Variants in SYN3 observed in about 807,000 individuals in gnomAD.
SYN3 encodes the protein synapsin-3.
SYN3 carries 35 observed loss-of-function variants against 65.8 expected under a neutral mutation model. That is an observed-to-expected ratio of 0.53 (90% CI 0.41 to 0.70). SYN3 has a LOEUF of 0.70. Ranked by LOEUF, SYN3 falls within the 30% of genes least tolerant of loss-of-function variation. The pLI is 0.00. For synonymous variants in SYN3, 270 were observed against 292.9 expected, an observed-to-expected ratio of 0.92 and a Z score of 0.80; for missense variants, 680 against 749.0, an observed-to-expected ratio of 0.91 and a Z score of 1.08.
chr22:32,798,846 C>T (rs570283560), intron 6 of SYN3, among the ~76,000 whole-genome samples: 44 of 151,984 alleles, frequency 2.9e-4, no homozygotes, highest in Non-Finnish European at 5.0e-4. Context: ...CGCCCACCAC[C>T]ACACCTGGCT....
intron 2 of SYN3, among the ~76,000 whole-genome samples, chr22:32,986,992 G>A (rs2052547409): frequency 6.6e-6 from 1 of 152,158 alleles, no homozygotes; most frequent in Non-Finnish European, 1.5e-5. Context: ...TGGGTATGGG[G>A]CTCTTTTGTG....
At chr22:32,669,589 G>C (rs986434697) in intron 6 of SYN3, among the ~76,000 whole-genome samples, 18 of 152,220 alleles carry the variant, frequency 1.2e-4, no homozygotes, top group Admixed American at 9.8e-4. Context: ...AGAAGAGAGC[G>C]TAACAGTGAC....
intron 1 of SYN3, among the ~76,000 whole-genome samples, chr22:33,040,490 CACTG>C (rs1309606979): frequency 6.6e-6 from 1 of 152,218 alleles, no homozygotes; most frequent in Non-Finnish European, 1.5e-5. Flanking sequence ...ACTTCCATAT[CACTG>C]ACTGTCACAT....
At chr22:32,698,450 G>A (rs902932201) in intron 6 of SYN3, among the ~76,000 whole-genome samples, 7 of 152,168 alleles carry the variant, frequency 4.6e-5, no homozygotes, top group African/African-American at 7.2e-5. Context: ...ATCTCTTACC[G>A]TTTCTTTCAC....
chr22:32,849,562 G>T, intron 6 of SYN3: 1 of 1,604,908 alleles, frequency 6.2e-7, no homozygotes, highest in South Asian at 1.1e-5. Context: ...CCTGGCTCCG[G>T]GAAGGTTTTT....
chr22:32,569,533 ATCAATC>A (rs1449739704), intron 7 of SYN3, among the ~76,000 whole-genome samples: 23 of 93,902 alleles, frequency 2.4e-4, no homozygotes, highest in Admixed American at 9.6e-4. Context: ...TCTAAAATCA[ATCAATC>A]TCTCTCTCTC....
At position 32,859,728 on chromosome 22, in the gene SYN3, C is replaced by T. The variant is rs2048483330; in HGVS notation, c.711+5187G>A. 4 of 288,740 alleles carry T rather than the reference C, an allele frequency of 1.4e-5. 1 individual carries two copies. The highest frequency in any genetic ancestry group is 1.3e-4 in the South Asian group (3 of 23,866). The allele number at this position is 288,740 out of a possible 1,614,324, so 17.9% of individuals were successfully genotyped here. On this transcript the variant is annotated intron_variant, in intron 6 of 13. Coordinates refer to ENST00000358763, the MANE Select transcript of SYN3 (RefSeq NM_003490.4). ...CTACTCCATTTGAGGATTGTAATTC[C>T]CACCCCTCTTGCTTCTTCCCCACCT...
chr22:32,708,356 C>A lies in SYN3; in HGVS notation c.712-111620G>T, dbSNP rs553553733. On this transcript the variant is annotated intron_variant, in intron 6 of 13. Coordinates refer to ENST00000358763, the MANE Select transcript of SYN3 (RefSeq NM_003490.4). ...AGACAATGCAGCCCCTTCTTGCCTG[C>A]ACTCCAGGCGGCCCATTCCCACCAC... Among the ~76,000 whole-genome samples the A allele has an allele frequency of 2.0e-5, 3 of 152,338 alleles. 1 individual carries two copies. In the South Asian group the frequency reaches 6.2e-4, roughly 32 times the overall value.
rs548518756 is a variant in SYN3 at position 32,636,350 on chromosome 22, C to T, written c.712-39614G>A. Among the ~76,000 whole-genome samples the T allele has an allele frequency of 2.7e-5, 4 of 148,704 alleles. No homozygotes were observed. In the South Asian group the frequency reaches 6.4e-4, roughly 24 times the overall value. On this transcript the variant is annotated intron_variant, in intron 6 of 13. Coordinates refer to ENST00000358763, the MANE Select transcript of SYN3 (RefSeq NM_003490.4). ...CCGGGAGGCGGAGCTTGCAGTGAGC[C>T]GAGATTGTGCCACTGCACTCCAGCC...
At chr22:32,564,022 C>T (rs1743861731) in intron 7 of SYN3, among the ~76,000 whole-genome samples, 1 of 152,092 alleles carries the variant, frequency 6.6e-6, no homozygotes, top group Non-Finnish European at 1.5e-5. Context: ...GTTTTAGGAC[C>T]CTAGCAAATG....
intron 6 of SYN3, among the ~76,000 whole-genome samples, chr22:32,781,268 T>C (rs924020361): frequency 6.6e-6 from 1 of 152,124 alleles, no homozygotes; most frequent in African/African-American, 2.4e-5. Flanking sequence ...CACTCTTATC[T>C]GACTCCTCCA....
chr22:32,858,707 A>T (rs1754547663), intron 6 of SYN3, among the ~76,000 whole-genome samples: 1 of 152,162 alleles, frequency 6.6e-6, no homozygotes, highest in South Asian at 2.1e-4. Context: ...AATTACTATG[A>T]TCTCCATTCT....
At chr22:32,985,938 G>A (rs749524428) in intron 2 of SYN3, among the ~76,000 whole-genome samples, 7 of 152,036 alleles carry the variant, frequency 4.6e-5, no homozygotes, top group Middle Eastern at 3.4e-3. Context: ...TGGGCTGAGC[G>A]TCCTCCCTTG....
At chr22:32,734,584 T>C (rs1398386472) in intron 6 of SYN3, among the ~76,000 whole-genome samples, 1 of 152,066 alleles carries the variant, frequency 6.6e-6, no homozygotes, top group Admixed American at 6.5e-5. Context: ...TCCTGCTGCA[T>C]GGATTTGGGA....
At chr22:32,965,969 C>T (rs921002199) in intron 3 of SYN3, among the ~76,000 whole-genome samples, 2 of 152,178 alleles carry the variant, frequency 1.3e-5, no homozygotes, top group Admixed American at 6.5e-5. Context: ...GCTGGGATTA[C>T]AGGCACGGGC....
Position 32,527,999 on chromosome 22 carries a change from GTGGAGCC to G in SYN3, c.1231-1_1236del. On this transcript the variant is annotated splice_acceptor_variant and coding_sequence_variant, in exon 12 of 14. Transcript: ENST00000358763. LOFTEE classifies it high-confidence loss of function. ...CCTGGGGATTTCGCTGATTTAATCT[GTGGAGCC>G]TAGAGCAGAAGAGAAAAGAAGCCTG... The G allele has an allele frequency of 6.3e-7, 1 of 1,575,590 alleles. No homozygotes were observed. The highest frequency in any genetic ancestry group is 8.6e-7 in the Non-Finnish European group (1 of 1,159,014).
intron 6 of SYN3, among the ~76,000 whole-genome samples, chr22:32,760,948 T>C (rs2145718737): frequency 6.6e-6 from 1 of 152,326 alleles, no homozygotes; most frequent in East Asian, 1.9e-4. Flanking sequence ...TCATAGATAT[T>C]GTAAGGGGTT....
intron 4 of SYN3, among the ~76,000 whole-genome samples, chr22:32,915,567 T>C (rs984520482): frequency 3.3e-5 from 5 of 152,144 alleles, no homozygotes; most frequent in Non-Finnish European, 7.4e-5. Flanking sequence ...GGGAGAGCCA[T>C]GTTAATATCT....
chr22:32,527,005 G>A (rs2057989475), intron 12 of SYN3, among the ~76,000 whole-genome samples: 1 of 152,162 alleles, frequency 6.6e-6, no homozygotes, highest in Admixed American at 6.5e-5. Flanking sequence ...CAGAGCAGCT[G>A]ATATTCTTTG....
Sources: gnomAD v4.1 joint callset for allele counts (sites outside exome capture counted in the v4.1 genomes callset) on GRCh38, gnomAD v4.1.1 for gene constraint, MANE v1.5 for transcripts, NCBI Gene and HGNC (gene_info 2026-07-23, HGNC 2026-07-21) for gene names.